The following ENTPD5 variants were observed in gnomAD, a reference collection of about 807,000 sequenced individuals.
The protein encoded by ENTPD5 is ectonucleoside triphosphate diphosphohydrolase 5 (inactive), also known as nucleoside diphosphate phosphatase ENTPD5.
Under a neutral mutation model 60.2 loss-of-function variants are expected in ENTPD5, and 49 were observed. That is an observed-to-expected ratio of 0.81 (90% CI 0.65 to 1.03). The LOEUF (loss-of-function observed/expected upper bound fraction) is 1.03. Ranked by LOEUF, ENTPD5 falls within the 50% of genes least tolerant of loss-of-function variation. The pLI, the probability that ENTPD5 is intolerant of heterozygous loss-of-function variation, is 0.00. For missense variants in ENTPD5, 480 were observed against 507.6 expected (o/e 0.95, Z 0.52); for synonymous variants, 187 against 185.4 (o/e 1.01, Z -0.07).
chr14:73,992,683 C>CAAAA (rs199594365), intron 3 of ENTPD5, among the ~76,000 whole-genome samples: 1 of 62,784 alleles, frequency 1.6e-5, no homozygotes, highest in Non-Finnish European at 3.4e-5. Context: ...GACTCCGTCT[C>CAAAA]AAAAAAAAAA....
At chr14:74,008,148 T>G (rs988550857) in intron 3 of ENTPD5, among the ~76,000 whole-genome samples, 1 of 151,464 alleles carries the variant, frequency 6.6e-6, no homozygotes, top group Non-Finnish European at 1.5e-5. Context: ...AAAAAAAAAA[T>G]TTTTTAACTC....
downstream of ENTPD5, chr14:73,960,956 G>C (rs2056693259): frequency 6.2e-6 from 4 of 643,978 alleles, no homozygotes; most frequent in Non-Finnish European, 1.1e-5. Context: ...AAGTAGGCAG[G>C]GGCCAGCTCA....
chr14:74,005,370 A>AAAAAAAAAAAAAAAG (rs1555366585), intron 3 of ENTPD5, among the ~76,000 whole-genome samples: 8 of 145,230 alleles, frequency 5.5e-5, no homozygotes, highest in Non-Finnish European at 7.4e-5. Flanking sequence ...GTCTCAAAAA[A>AAAAAAAAAAAAAAAG]AAAGAAAAGA....
intron 11 of ENTPD5, 79 bp from the exon 12 acceptor site, chr14:73,974,057 G>T: frequency 8.4e-7 from 1 of 1,187,004 alleles, no homozygotes; most frequent in Non-Finnish European, 1.3e-6. Context: ...CCAGTGAGGT[G>T]GAAAAGAATC....
chr14:74,005,819 A>G (rs1351915022), intron 3 of ENTPD5, among the ~76,000 whole-genome samples: 4 of 151,270 alleles, frequency 2.6e-5, no homozygotes, highest in African/African-American at 9.9e-5. Context: ...AAAAATAAAT[A>G]AAAAACAAAA....
intron 3 of ENTPD5, chr14:73,996,731 G>T (rs986542687): frequency 1.3e-5 from 2 of 152,104 alleles, no homozygotes; most frequent in Non-Finnish European, 2.9e-5. Context: ...ATTACTTGAG[G>T]TCAGGATTTC....
At chr14:73,977,733 TAGG>T in intron 6 of ENTPD5, among the ~76,000 whole-genome samples, 1 of 152,294 alleles carries the variant, frequency 6.6e-6, no homozygotes, top group East Asian at 1.9e-4. Context: ...CACTGGAAAC[TAGG>T]AGGAGCCTTC....
intron 4 of ENTPD5, chr14:73,987,205 GT>G (rs2057939674): frequency 4.3e-6 from 3 of 696,190 alleles, no homozygotes; most frequent in Admixed American, 4.1e-5. Context: ...CTAGCCTCAT[GT>G]CCAAGGATGG....
At chr14:74,016,414 A>T (rs753539033) in intron 1 of ENTPD5, among the ~76,000 whole-genome samples, 13 of 152,222 alleles carry the variant, frequency 8.5e-5, no homozygotes, top group Non-Finnish European at 1.5e-4. Context: ...AGGCAGGAGG[A>T]TCACCTGAGC....
chr14:73,962,789 CCCAG>C (rs1332510413), downstream of ENTPD5: 2 of 622,348 alleles, frequency 3.2e-6, no homozygotes, highest in African/African-American at 3.7e-5. Context: ...TGCACTCCAG[CCCAG>C]TCAACAGAGT....
chr14:73,963,211 T>C, downstream of ENTPD5: 3 of 595,142 alleles, frequency 5.0e-6, no homozygotes, highest in South Asian at 7.0e-5. Context: ...AGGAAAAAAC[T>C]TCGAAGGAAG....
At chr14:73,976,570 T>A (rs1357268433) in intron 8 of ENTPD5, among the ~76,000 whole-genome samples, 158 bp from the exon 9 acceptor site, 1 of 152,010 alleles carries the variant, frequency 6.6e-6, no homozygotes, top group East Asian at 1.9e-4. Flanking sequence ...GGACTCTTGT[T>A]GCAGCAGAGG....
rs528841251 is a variant in ENTPD5, at chr14:74,002,914, T to C, written c.-71+8177A>G. On this transcript the variant is annotated intron_variant, in intron 3 of 15. Transcript: ENST00000334696. ...ACCCCATCTACTAATAGTTTTCACC[T>C]TACTCTCCCCCAACACTGACCTCTG... is the stretch of plus-strand genomic sequence containing the variant. Among the ~76,000 whole-genome samples, 5 of 152,294 alleles carry C rather than the reference T, an allele frequency of 3.3e-5. No homozygotes were observed. In the East Asian group the frequency reaches 9.6e-4, roughly 29 times the overall value.
chr14:73,974,150 A>G (rs76409783), intron 11 of ENTPD5, among the ~76,000 whole-genome samples, 172 bp from the exon 12 acceptor site: 3,828 of 152,290 alleles, frequency 0.025, 149 homozygotes, highest in African/African-American at 0.087. Context: ...TCAGGGTTCA[A>G]AGATAGGCTT....
intron 3 of ENTPD5, among the ~76,000 whole-genome samples, chr14:74,009,498 T>G (rs546755318): frequency 3.9e-5 from 6 of 152,220 alleles, no homozygotes; most frequent in African/African-American, 1.4e-4. Flanking sequence ...ATTACAATGA[T>G]AGTTTCATGT....
At chr14:73,958,020 A>AT (rs1324619495), downstream of ENTPD5, 17 of 811,230 alleles carry the variant, frequency 2.1e-5, no homozygotes, top group African/African-American at 3.4e-5. Flanking sequence ...TTAATTACTG[A>AT]TTTTTTTAAT....
At chr14:73,962,273 T>C (rs1286105238), downstream of ENTPD5, among the ~76,000 whole-genome samples, 1 of 152,108 alleles carries the variant, frequency 6.6e-6, no homozygotes. Context: ...TTGAATTAAT[T>C]TTCTTGGCTG....
At position 73,963,607 on chromosome 14, in the gene ENTPD5, T is replaced by G. The variant is rs375502473; in HGVS notation, c.*3321A>C. 5 of 155,342 alleles carry G rather than the reference T, an allele frequency of 3.2e-5. No individual in the cohort carries two copies. The highest frequency in any genetic ancestry group is 9.7e-5 in the African/African-American group (4 of 41,450). The allele number at this position is 155,342 out of a possible 1,614,324, so 9.6% of individuals were successfully genotyped here. On this transcript the variant is annotated 3_prime_UTR_variant, in exon 16 of 16. Coordinates refer to ENST00000334696, the MANE Select transcript of ENTPD5 (RefSeq NM_001249.5). ...TCGGTTTAATAAAACAATAAATAAT[T>G]CATTGCACAGATCCGAAGACCTCAG...
chr14:73,986,731 A>C (rs2057915380), intron 5 of ENTPD5, 83 bp downstream of exon 5: 1 of 929,574 alleles, frequency 1.1e-6, no homozygotes, highest in Non-Finnish European at 1.8e-6. Flanking sequence ...TCATTAGTGA[A>C]TAGCATGAAA....
Sources: gnomAD v4.1 joint callset for allele counts (sites outside exome capture counted in the v4.1 genomes callset) on GRCh38, gnomAD v4.1.1 for gene constraint, MANE v1.5 for transcripts, NCBI Gene and HGNC (gene_info 2026-07-23, HGNC 2026-07-21) for gene names.